TCEANC2: variants seen among roughly 807,000 people sequenced by gnomAD.
TCEANC2 encodes the protein transcription elongation factor A N-terminal and central domain containing 2, also known as transcription elongation factor A N-terminal and central domain-containing protein 2.
In TCEANC2, 20 loss-of-function variants were observed where a neutral mutation model predicts 22.8. That is an observed-to-expected ratio of 0.88 (90% CI 0.62 to 1.28). The LOEUF (loss-of-function observed/expected upper bound fraction) is 1.28, where lower values mean the gene tolerates loss of function less well. Ranked by LOEUF, TCEANC2 falls within the 50% of genes most tolerant of loss-of-function variation. TCEANC2 has a pLI of 0.00. For synonymous variants in TCEANC2, 84 were observed against 95.5 expected (o/e 0.88, Z 0.70); for missense variants, 251 against 249.7 (o/e 1.01, Z -0.03).
chr1:54,077,897 T>C (rs188296418), intron 3 of TCEANC2, among the ~76,000 whole-genome samples: 13 of 152,318 alleles, frequency 8.5e-5, no homozygotes, highest in Admixed American at 4.6e-4. Flanking sequence ...CTTAGTCTTT[T>C]GCTGCTTCTT....
intron 3 of TCEANC2, among the ~76,000 whole-genome samples, chr1:54,078,744 A>C (rs1322153660): frequency 6.6e-6 from 1 of 152,180 alleles, no homozygotes; most frequent in African/African-American, 2.4e-5. Context: ...TTCTCTAAGT[A>C]AAAGGAAAGA....
intron 4 of TCEANC2, among the ~76,000 whole-genome samples, chr1:54,092,218 A>C (rs1658459102): frequency 6.6e-6 from 1 of 152,238 alleles, no homozygotes; most frequent in Non-Finnish European, 1.5e-5. Flanking sequence ...GGGGGAGAAG[A>C]CAATCATGAA....
chr1:54,086,258 G>A (rs367947729), intron 3 of TCEANC2, among the ~76,000 whole-genome samples: 6 of 152,168 alleles, frequency 3.9e-5, no homozygotes, highest in African/African-American at 9.7e-5. Flanking sequence ...GGGATTTCTT[G>A]CATAGCTCTT....
rs1399928276 is a variant in TCEANC2 at position 54,098,999 on chromosome 1, A to T, written c.*2526A>T. On this transcript the variant is annotated 3_prime_UTR_variant, in exon 5 of 5. Coordinates refer to ENST00000234827, the MANE Select transcript of TCEANC2 (RefSeq NM_153035.3). ...TAGCTGGAGATGAGGCAGGAGAGGAAGGCAAGGACCAGGATCAGGTTTGAA... is the reference window on the plus strand; with the variant it reads ...TAGCTGGAGATGAGGCAGGAGAGGATGGCAAGGACCAGGATCAGGTTTGAA... 6.5e-6 allele frequency: 1 copy of T among 152,702 alleles called. No homozygotes were observed. Among genetic ancestry groups the T allele is most frequent in the Non-Finnish European group, 1.5e-5 (1 of 68,416 alleles). The allele number at this position is 152,702 out of a possible 1,614,324, so 9.5% of individuals were successfully genotyped here.
chr1:54,096,578 T>A lies in TCEANC2; in HGVS notation c.*105T>A. The A allele has an allele frequency of 1.4e-6, 2 of 1,452,720 alleles. No individual in the cohort carries two copies. Among genetic ancestry groups the A allele is most frequent in the Non-Finnish European group, 9.1e-7 (1 of 1,097,814 alleles). The allele number at this position is 1,452,720 out of a possible 1,614,324, so 90.0% of individuals were successfully genotyped here. ...GGGTGATGGCTGATGCTGGCTGTGC[T>A]AGATTTTCCCATGGTGCCGTTCCTT... On this transcript the variant is annotated 3_prime_UTR_variant, in exon 5 of 5. Coordinates refer to ENST00000234827, the MANE Select transcript of TCEANC2 (RefSeq NM_153035.3). This position sits in a 1 kb window ranked among gnomAD's most constrained non-coding sequence, Gnocchi z 4.9.
downstream of TCEANC2, among the ~76,000 whole-genome samples, chr1:54,108,927 G>T (rs937200888): frequency 6.6e-6 from 1 of 151,956 alleles, no homozygotes; most frequent in Non-Finnish European, 1.5e-5. Flanking sequence ...AGCCGAGATC[G>T]CACCACTGCG....
At chr1:54,095,051 CAGA>C in intron 4 of TCEANC2, among the ~76,000 whole-genome samples, 1 of 152,098 alleles carries the variant, frequency 6.6e-6, no homozygotes, top group Non-Finnish European at 1.5e-5. Context: ...AGGCTGAAGC[CAGA>C]AGATCACTTG....
chr1:54,099,257 G>A lies in TCEANC2; in HGVS notation c.*2784G>A, dbSNP rs1283102438. The A allele has an allele frequency of 6.6e-6, 1 of 152,248 alleles. No individual in the cohort carries two copies. Among genetic ancestry groups the A allele is most frequent in the Non-Finnish European group, 1.5e-5 (1 of 68,046 alleles). The allele number at this position is 152,248 out of a possible 1,614,324, so 9.4% of individuals were successfully genotyped here. A position where few individuals can be genotyped will look rare whatever the true frequency, so the allele number is the denominator to read the frequency against. On this transcript the variant is annotated 3_prime_UTR_variant, in exon 5 of 5. Coordinates refer to ENST00000234827, the MANE Select transcript of TCEANC2 (RefSeq NM_153035.3). Reference sequence around the variant, plus strand: ...ATAGTTGGAAAGTAGAATGATTGCAGAGATGTGCTTTGGAGATTTGGAAAG... The same window carrying A: ...ATAGTTGGAAAGTAGAATGATTGCAAAGATGTGCTTTGGAGATTTGGAAAG...
chr1:54,103,293 G>C lies in TCEANC2; in HGVS notation c.*6820G>C, dbSNP rs765003634. 1 of 152,320 alleles carries C rather than the reference G, an allele frequency of 6.6e-6. No homozygotes were observed. The highest frequency in any genetic ancestry group is 1.5e-5 in the Non-Finnish European group (1 of 68,168). 9.4% of individuals were successfully genotyped at this position (152,320 alleles called of 1,614,324 possible). On this transcript the variant is annotated 3_prime_UTR_variant, in exon 5 of 5. Transcript: ENST00000234827. ...GACTGGGTAATTTAAGAAGGAAAGAGGTTTCATTGACTCAAATTTCTACAT... is the reference window on the plus strand; with the variant it reads ...GACTGGGTAATTTAAGAAGGAAAGACGTTTCATTGACTCAAATTTCTACAT...
chr1:54,062,882 T>C (rs1657884731), intron 2 of TCEANC2, among the ~76,000 whole-genome samples: 1 of 152,224 alleles, frequency 6.6e-6, no homozygotes, highest in Non-Finnish European at 1.5e-5. Context: ...TTTTATGCCA[T>C]GCTAAAGAGT....
rs575821012 is a variant in TCEANC2 at position 54,094,301 on chromosome 1, C to T, written c.439-1984C>T. Among the ~76,000 whole-genome samples, 120 of 152,262 alleles carry T rather than the reference C, an allele frequency of 7.9e-4. 4 individuals are homozygous for T. In the South Asian group the frequency reaches 0.024, roughly 30 times the overall value. On this transcript the variant is annotated intron_variant, in intron 4 of 4. Coordinates refer to ENST00000234827, the MANE Select transcript of TCEANC2 (RefSeq NM_153035.3). ...TTTCTACTTACTTTGGTCCATCTGTCTCTCATGTTAGGACATTTTATTAAA... is the reference window on the plus strand; with the variant it reads ...TTTCTACTTACTTTGGTCCATCTGTTTCTCATGTTAGGACATTTTATTAAA...
intron 2 of TCEANC2, among the ~76,000 whole-genome samples, chr1:54,056,605 G>A (rs1390294456): frequency 1.3e-5 from 2 of 152,120 alleles, no homozygotes; most frequent in African/African-American, 4.8e-5. Flanking sequence ...GATTACAGGC[G>A]TGAGCCACGG....
intron 2 of TCEANC2, among the ~76,000 whole-genome samples, chr1:54,060,833 G>A (rs1278418573): frequency 2.0e-5 from 3 of 151,770 alleles, no homozygotes; most frequent in Admixed American, 6.6e-5. Context: ...CTAGCTACTC[G>A]TGATTACAGG....
chr1:54,082,330 T>C (rs1658261339), intron 3 of TCEANC2, among the ~76,000 whole-genome samples: 1 of 152,248 alleles, frequency 6.6e-6, no homozygotes, highest in Non-Finnish European at 1.5e-5. Context: ...TTTCATTATT[T>C]TGTTTGCAGT....
At position 54,096,716 on chromosome 1, in the gene TCEANC2, C is replaced by T. The variant is rs1484027184; in HGVS notation, c.*243C>T. ...ACGCACACTGGCTGTCACTAGGAAG[C>T]GCCATACGGTTGCTATCACCCAACA... On this transcript the variant is annotated 3_prime_UTR_variant, in exon 5 of 5. Coordinates refer to ENST00000234827, the MANE Select transcript of TCEANC2 (RefSeq NM_153035.3). The surrounding 1 kb of genome is among the most constrained non-coding windows in gnomAD (Gnocchi z 4.9). The T allele has an allele frequency of 9.9e-6, 12 of 1,208,620 alleles. No individual in the cohort carries two copies. The highest frequency in any genetic ancestry group is 6.5e-5 in the East Asian group (2 of 30,656). 74.9% of individuals were successfully genotyped at this position (1,208,620 alleles called of 1,614,324 possible).
downstream of TCEANC2, among the ~76,000 whole-genome samples, chr1:54,106,234 C>A (rs149667425): frequency 1.4e-4 from 22 of 152,174 alleles, no homozygotes; most frequent in East Asian, 4.2e-3. Flanking sequence ...TCTAAATGCA[C>A]ATTTAAAAAA....
rs146529715 is a variant in TCEANC2 at position 54,059,565 on chromosome 1, G to A, written c.102+5041G>A. 3.3e-5 allele frequency among the ~76,000 whole-genome samples: 5 copies of A among 152,248 alleles called. No individual in the cohort carries two copies. In the East Asian group the frequency reaches 5.8e-4, roughly 18 times the overall value. ...TAAATGAATGTTGAAATGCTTTCTG[G>A]GTTCTCTAAGGGAGTTAATCCTTCC... is the stretch of plus-strand genomic sequence containing the variant. On this transcript the variant is annotated intron_variant, in intron 2 of 4. Coordinates refer to ENST00000234827, the MANE Select transcript of TCEANC2 (RefSeq NM_153035.3).
In TCEANC2 at chr1:54,097,867, A is replaced by G. The variant is rs1313187076; in HGVS notation, c.*1394A>G. On this transcript the variant is annotated 3_prime_UTR_variant, in exon 5 of 5. Coordinates refer to ENST00000234827, the MANE Select transcript of TCEANC2 (RefSeq NM_153035.3). ...AACTATTGGAGCTAGAATAATAATA[A>G]TCGAGCGTTTACCCTGGGCCCAGCA... The G allele has an allele frequency of 1.3e-5, 2 of 152,188 alleles. No individual in the cohort carries two copies. The highest frequency in any genetic ancestry group is 6.5e-5 in the Admixed American group (1 of 15,274). 9.4% of individuals were successfully genotyped at this position (152,188 alleles called of 1,614,324 possible).
intron 3 of TCEANC2, among the ~76,000 whole-genome samples, chr1:54,084,448 T>G (rs1658300738): frequency 6.6e-6 from 1 of 152,226 alleles, no homozygotes; most frequent in Non-Finnish European, 1.5e-5. Context: ...GGAATGAATA[T>G]TTCTGTACAT....
Sources: allele counts gnomAD v4.1 joint callset (sites outside exome capture counted in the v4.1 genomes callset), GRCh38; gene constraint gnomAD v4.1.1; non-coding constraint Gnocchi (gnomAD v3.1); transcripts MANE v1.5; gene names NCBI Gene and HGNC (gene_info 2026-07-23, HGNC 2026-07-21).